Variants in HOMER2 observed in about 807,000 individuals in gnomAD.
HOMER2 encodes homer protein homolog 2.
HOMER2 carries 27 observed loss-of-function variants against 47.0 expected under a neutral mutation model. That is an observed-to-expected ratio of 0.57 (90% confidence interval 0.42 to 0.79). HOMER2 has a LOEUF of 0.79. HOMER2 is among the 30% of genes least tolerant of loss of function. HOMER2 has a pLI of 0.00. For synonymous variants in HOMER2, 161 were observed against 163.8 expected, an observed-to-expected ratio of 0.98 and a Z score of 0.13; for missense variants, 443 against 435.0, an observed-to-expected ratio of 1.02 and a Z score of -0.16.
intron 1 of HOMER2, among the ~76,000 whole-genome samples, chr15:82,899,651 C>T (rs975444981): frequency 6.6e-6 from 1 of 152,180 alleles, no homozygotes; most frequent in Non-Finnish European, 1.5e-5. Flanking sequence ...AATCAAAATT[C>T]AGTAAGGTGG....
intron 3 of HOMER2, among the ~76,000 whole-genome samples, chr15:82,870,544 C>G (rs1240963706): frequency 6.6e-6 from 1 of 152,190 alleles, no homozygotes; most frequent in Non-Finnish European, 1.5e-5. Context: ...CCACCTGCCT[C>G]AGGACTTCTT....
intron 1 of HOMER2, among the ~76,000 whole-genome samples, chr15:82,911,745 T>C (rs1167459299): frequency 6.6e-6 from 1 of 152,178 alleles, no homozygotes; most frequent in Admixed American, 6.5e-5. Context: ...AATTTAAATT[T>C]CACGGCCGGG....
chr15:82,976,865 G>A (rs902618816), intron 1 of HOMER2, among the ~76,000 whole-genome samples: 6 of 150,902 alleles, frequency 4.0e-5, no homozygotes, highest in African/African-American at 1.5e-4. Flanking sequence ...TAGTAGAGAC[G>A]GGGTTTCACC....
At chr15:82,897,643 C>A (rs1279804150) in intron 1 of HOMER2, among the ~76,000 whole-genome samples, 1 of 152,198 alleles carries the variant, frequency 6.6e-6, no homozygotes, top group African/African-American at 2.4e-5. Context: ...CAGACTCTCT[C>A]AATAAATTAC....
intron 1 of HOMER2, among the ~76,000 whole-genome samples, chr15:82,935,116 G>T (rs535550397): frequency 4.9e-4 from 75 of 152,148 alleles, no homozygotes; most frequent in Admixed American, 7.9e-4. Context: ...CTCACACCTC[G>T]CCTGCTGCAT....
At chr15:82,890,983 C>A (rs762917205) in intron 2 of HOMER2, among the ~76,000 whole-genome samples, 1 of 152,092 alleles carries the variant, frequency 6.6e-6, no homozygotes, top group Non-Finnish European at 1.5e-5. Context: ...CCATCAAACA[C>A]GAGGTGCCTA....
chr15:82,871,836 C>G (rs1441934718), intron 3 of HOMER2, among the ~76,000 whole-genome samples: 1 of 152,214 alleles, frequency 6.6e-6, no homozygotes, highest in East Asian at 1.9e-4. Context: ...ACAATGTGTT[C>G]TGGTTTTCGT....
At chr15:82,889,864 G>A (rs1334735762) in intron 2 of HOMER2, among the ~76,000 whole-genome samples, 1 of 152,188 alleles carries the variant, frequency 6.6e-6, no homozygotes, top group Non-Finnish European at 1.5e-5. Context: ...CCAGTGCAGT[G>A]TGGTCAGGTT....
downstream of HOMER2, among the ~76,000 whole-genome samples, chr15:82,836,475 T>G (rs1450677730): frequency 6.6e-6 from 1 of 152,254 alleles, no homozygotes; most frequent in Non-Finnish European, 1.5e-5. Context: ...CCAAAGGGCC[T>G]GCTCTCTTAA....
intron 1 of HOMER2, among the ~76,000 whole-genome samples, chr15:82,927,848 T>C (rs2053892800): frequency 1.3e-5 from 2 of 151,874 alleles, no homozygotes; most frequent in Admixed American, 1.3e-4. Context: ...TGCATGCCTG[T>C]AATCCCAGCT....
intron 1 of HOMER2, among the ~76,000 whole-genome samples, chr15:82,896,720 AGG>A (rs2052933193): frequency 1.7e-5 from 1 of 59,792 alleles, no homozygotes; most frequent in African/African-American, 4.0e-5. Flanking sequence ...CTGGGCAAAC[AGG>A]GGAGGATTGC....
chr15:82,981,501 C>T (rs1253266827), intron 1 of HOMER2, among the ~76,000 whole-genome samples: 1 of 152,176 alleles, frequency 6.6e-6, no homozygotes, highest in African/African-American at 2.4e-5. Flanking sequence ...CCAGCAATTC[C>T]ACTTCTGGGT....
chr15:82,856,725 C>A (rs777496903), intron 5 of HOMER2, among the ~76,000 whole-genome samples: 9 of 152,206 alleles, frequency 5.9e-5, no homozygotes, highest in Non-Finnish European at 1.0e-4. Context: ...GAGTCACAGT[C>A]CAAAGGCAGG....
chr15:82,926,708 TG>T (rs2053860573), intron 1 of HOMER2: 1 of 151,680 alleles, frequency 6.6e-6, no homozygotes, highest in Non-Finnish European at 1.5e-5. Flanking sequence ...AAGAAAGAAA[TG>T]TAATTGCCAT....
At chr15:82,930,862 C>T (rs1251528675) in intron 1 of HOMER2, among the ~76,000 whole-genome samples, 2 of 152,130 alleles carry the variant, frequency 1.3e-5, no homozygotes, top group Admixed American at 6.5e-5. Flanking sequence ...CCCGTCTCTA[C>T]TAAAAATACC....
At chr15:82,940,655 T>C (rs951012896) in intron 1 of HOMER2, among the ~76,000 whole-genome samples, 1 of 152,078 alleles carries the variant, frequency 6.6e-6, no homozygotes, top group Admixed American at 6.6e-5. Context: ...GGCAGGAGAA[T>C]GGCGTGAACC....
At chr15:82,941,827 CAT>C (rs1356260450) in intron 1 of HOMER2, among the ~76,000 whole-genome samples, 1 of 152,162 alleles carries the variant, frequency 6.6e-6, no homozygotes, top group African/African-American at 2.4e-5. Context: ...TGTAAATCAA[CAT>C]GTGTGTTTCA....
At chr15:82,922,913 C>T (rs1248199805) in intron 1 of HOMER2, among the ~76,000 whole-genome samples, 1 of 152,156 alleles carries the variant, frequency 6.6e-6, no homozygotes, top group Non-Finnish European at 1.5e-5. Flanking sequence ...CTGCTCATGT[C>T]ACCCCTGCAC....
chr15:82,862,004 A>G (rs1596308422), intron 4 of HOMER2, among the ~76,000 whole-genome samples: 1 of 151,984 alleles, frequency 6.6e-6, no homozygotes, highest in Non-Finnish European at 1.5e-5. Context: ...GCGCCACTGC[A>G]CTCCAGCCTG....
Sources: allele counts gnomAD v4.1 joint callset (sites outside exome capture counted in the v4.1 genomes callset), GRCh38; gene constraint gnomAD v4.1.1; transcripts MANE v1.5; gene names NCBI Gene and HGNC (gene_info 2026-07-23, HGNC 2026-07-21).